Variants in SH3TC1 observed in about 807,000 individuals in gnomAD.
SH3TC1 encodes SH3 domain and tetratricopeptide repeat-containing protein 1.
SH3TC1 carries 135 observed loss-of-function variants against 117.3 expected under a neutral mutation model. The observed-to-expected ratio is 1.15, with a 90% confidence interval of 1.00 to 1.33. The LOEUF (loss-of-function observed/expected upper bound fraction) is 1.33. SH3TC1 is among the 40% of genes most tolerant of loss of function. SH3TC1 has a pLI of 0.00. For missense variants in SH3TC1, 2,092 were observed against 1,794.3 expected, an observed-to-expected ratio of 1.17 and a Z score of -3.00; for synonymous variants, 898 against 816.9, an observed-to-expected ratio of 1.10 and a Z score of -1.69.
intron 6 of SH3TC1, 61 bp from the exon 7 acceptor site, chr4:8,216,896 G>T (rs1046699090): frequency 2.1e-5 from 32 of 1,554,084 alleles, no homozygotes; most frequent in Non-Finnish European, 1.4e-5. Context: ...GGGTGTGGGG[G>T]GCAGGGCCAC....
chr4:8,216,367 G>A (rs1473113210), intron 6 of SH3TC1, 110 bp downstream of exon 6: 2 of 1,464,876 alleles, frequency 1.4e-6, no homozygotes, highest in Non-Finnish European at 1.8e-6. Flanking sequence ...GCTGTGGGCT[G>A]CGGAGCCTCT....
Position 8,210,857 on chromosome 4 carries a change from C to T in SH3TC1, c.247+1035C>T, listed in dbSNP as rs1317677768. Reference sequence around the variant, plus strand: ...AGTGGATTCCAGATTCCAGAAGTCTCCAGGTTGGCCCGGTTGGCCCTTCCC... The same window carrying T: ...AGTGGATTCCAGATTCCAGAAGTCTTCAGGTTGGCCCGGTTGGCCCTTCCC... On this transcript the variant is annotated intron_variant, in intron 3 of 17. Coordinates refer to ENST00000245105, the MANE Select transcript of SH3TC1 (RefSeq NM_018986.5). The surrounding 1 kb of genome is among the most constrained non-coding windows in gnomAD (Gnocchi z 4.1). 1.3e-5 allele frequency among the ~76,000 whole-genome samples: 2 copies of T among 151,390 alleles called. No homozygotes were observed. The highest frequency in any genetic ancestry group is 3.9e-4 in the East Asian group (2 of 5,160).
At chr4:8,229,736 C>T (rs1416843071) in intron 12 of SH3TC1, among the ~76,000 whole-genome samples, 2 of 151,978 alleles carry the variant, frequency 1.3e-5, no homozygotes, top group African/African-American at 2.4e-5. Context: ...GGCTTCTTCC[C>T]CAGGGCCATT....
upstream of SH3TC1, among the ~76,000 whole-genome samples, chr4:8,198,579 G>A (rs188659072): frequency 1.3e-3 from 196 of 152,356 alleles, no homozygotes; most frequent in African/African-American, 4.3e-3. Flanking sequence ...GCGAGATTAC[G>A]TGCTTTGGCC....
rs775359565 is a variant in SH3TC1 at position 8,228,171 on chromosome 4, A to G, written c.2477A>G (p.Asp826Gly). 1.9e-6 allele frequency: 3 copies of G among 1,611,614 alleles called. No individual in the cohort carries two copies. Among genetic ancestry groups the G allele is most frequent in the Admixed American group, 1.7e-5 (1 of 59,914 alleles). Residue 826 changes from aspartate (D) to glycine (G), a missense_variant, in exon 12 of 18, where the codon GAC (aspartate) becomes GGC (glycine). Asp to Gly is a moderately conservative substitution (Grantham distance 94, BLOSUM62 -1). Coordinates refer to ENST00000245105, the MANE Select transcript of SH3TC1 (RefSeq NM_018986.5). ...SAIAGVRAIV[D>G]HLVALAWLHV... ...ATTGCCGGAGTCCGTGCCATCGTGG[A>G]CCACCTGGTGGCCCTGGCCTGGCTG...
chr4:8,231,971 C>T lies in SH3TC1; in HGVS notation c.2951-5C>T, dbSNP rs764145215. The T allele has an allele frequency of 6.8e-6, 11 of 1,610,120 alleles. No homozygotes were observed. Among genetic ancestry groups the T allele is most frequent in the South Asian group, 1.1e-5 (1 of 91,058 alleles). ...CTGACGTCTTCCTTTTTGTCTTCTG[C>T]CCAGGCCAGCTGCGGGCCGTCCAGC... On this transcript the variant is annotated splice_region_variant and splice_polypyrimidine_tract_variant and intron_variant, in intron 12 of 17. Transcript: ENST00000245105.
Position 8,222,952 on chromosome 4 carries a change from T to G in SH3TC1, c.1225T>G (p.Cys409Gly), listed in dbSNP as rs1184467855. 1 of 1,612,324 alleles carries G rather than the reference T, an allele frequency of 6.2e-7. No individual in the cohort carries two copies. Among genetic ancestry groups the G allele is most frequent in the Non-Finnish European group, 8.5e-7 (1 of 1,179,766 alleles). Reference sequence around the variant, plus strand: ...GAGGCGGATGTCGGGCACCGATGTCTGCAGCGTGTACAGCCTGGGTGCGTG... The same window carrying G: ...GAGGCGGATGTCGGGCACCGATGTCGGCAGCGTGTACAGCCTGGGTGCGTG... ...LLRRMSGTDV[C>G]SVYSLDSVEE... The change falls in exon 10 of 18, where the codon TGC becomes GGC. Residue 409 changes from cysteine (C) to glycine (G), a missense_variant. Coordinates refer to ENST00000245105, the MANE Select transcript of SH3TC1 (RefSeq NM_018986.5).
intron 16 of SH3TC1, 195 bp from the exon 17 acceptor site, chr4:8,237,279 G>C (rs1387546429): frequency 2.0e-6 from 1 of 490,620 alleles, no homozygotes; most frequent in African/African-American, 2.0e-5. Flanking sequence ...CTTTGCCAAA[G>C]CCTCACGGTA....
At chr4:8,197,263 G>A (rs1315584439), upstream of SH3TC1, among the ~76,000 whole-genome samples, 1 of 152,174 alleles carries the variant, frequency 6.6e-6, no homozygotes, top group African/African-American at 2.4e-5. Context: ...TGGAGCTTCT[G>A]GAGGGAGCAT....
intron 5 of SH3TC1, chr4:8,215,066 C>T (rs190039112): frequency 3.4e-5 from 15 of 440,782 alleles, no homozygotes; most frequent in African/African-American, 8.0e-5. Context: ...GGAGAAATGC[C>T]GGGTAGGCGG....
At position 8,231,983 on chromosome 4, in the gene SH3TC1, G is replaced by A. The variant is rs1721262800; in HGVS notation, c.2958G>A (p.Leu986=). 2.5e-6 allele frequency: 4 copies of A among 1,611,496 alleles called. No individual in the cohort carries two copies. The highest frequency in any genetic ancestry group is 4.5e-5 in the East Asian group (2 of 44,872). Residue 986 remains leucine (L), a synonymous_variant, in exon 13 of 18, where the codon CTG becomes CTA. Transcript: ENST00000245105. Reference sequence around the variant, plus strand: ...TTTTTGTCTTCTGCCCAGGCCAGCTGCGGGCCGTCCAGCGGCTGTGCCACT... The same window carrying A: ...TTTTTGTCTTCTGCCCAGGCCAGCTACGGGCCGTCCAGCGGCTGTGCCACT... ...AVEMGHVESQ[L]RAVQRLCHFY...
intron 9 of SH3TC1, among the ~76,000 whole-genome samples, chr4:8,220,016 CCT>C (rs1236158107): frequency 2.6e-5 from 4 of 152,180 alleles, no homozygotes; most frequent in Non-Finnish European, 4.4e-5. Context: ...TGGCTGTCTT[CCT>C]CTGTGTGTCT....
upstream of SH3TC1, among the ~76,000 whole-genome samples, chr4:8,195,634 G>C (rs959594673): frequency 6.6e-6 from 1 of 152,214 alleles, no homozygotes; most frequent in Non-Finnish European, 1.5e-5. Flanking sequence ...CTCCAGACCC[G>C]TGTGTGGATG....
In SH3TC1 at chr4:8,240,745, C is replaced by T. The variant is rs370598924; in HGVS notation, c.3801C>T (p.Ala1267=). 6.9e-5 allele frequency: 111 copies of T among 1,613,922 alleles called. 2 individuals are homozygous for T. Among genetic ancestry groups the T allele is most frequent in the Middle Eastern group, 1.6e-4 (1 of 6,062 alleles). ...ACTACCAGCTGGCGCTGGCAGCCGC[C>T]GTGGACCTGGGCAACAAGAAGGCAC... ...AGYYQLALAA[A]VDLGNKKAQL... is the part of the protein sequence containing the mutation. The change falls in exon 18 of 18, where the codon GCC becomes GCT. Residue 1267 remains alanine (A), a synonymous_variant. Transcript: ENST00000245105.
Position 8,227,632 on chromosome 4 carries a change from G to A in SH3TC1, c.1938G>A (p.Glu646=), listed in dbSNP as rs755363215. The A allele has an allele frequency of 6.6e-6, 10 of 1,525,738 alleles. No individual in the cohort carries two copies. The South Asian group carries it at 9.2e-5, about 14-fold the overall frequency. 94.5% of individuals were successfully genotyped at this position (1,525,738 alleles called of 1,614,324 possible). A position where few individuals can be genotyped will look rare whatever the true frequency, so the allele number is the denominator to read the frequency against. Residue 646 remains glutamate (E), a synonymous_variant, in exon 12 of 18, where the codon GAG becomes GAA. Transcript: ENST00000245105. ...TCTGCAGCACCGAGGCGGAGGGGGA[G>A]CTCCTGCAGCTGGCGCTGCGGCGGG... is the stretch of plus-strand genomic sequence containing the variant. ...DHICSTEAEG[E]LLQLALRRAV...
intron 9 of SH3TC1, among the ~76,000 whole-genome samples, chr4:8,221,744 T>C (rs904597419): frequency 1.3e-5 from 2 of 152,218 alleles, no homozygotes; most frequent in Non-Finnish European, 2.9e-5. Flanking sequence ...GCAGATACAA[T>C]GCCATTATCT....
rs771835152 is a variant in SH3TC1, at chr4:8,227,733, A to C, written c.2039A>C (p.Gln680Pro). The part of the protein sequence containing the change: ...LLARHHVHLK[Q>P]PEEALPFLER... ...GCCAGGCACCACGTGCACCTCAAGC[A>C]GCCCGAGGAGGCCCTGCCCTTCCTA... is the stretch of plus-strand genomic sequence containing the variant. The change falls in exon 12 of 18, where the codon CAG becomes CCG. Residue 680 changes from glutamine (Q) to proline (P), a missense_variant. Transcript: ENST00000245105. 2.5e-6 allele frequency: 4 copies of C among 1,598,344 alleles called. No homozygotes were observed. Among genetic ancestry groups the C allele is most frequent in the Non-Finnish European group, 2.6e-6 (3 of 1,170,744 alleles).
intron 15 of SH3TC1, chr4:8,235,971 C>T (rs1190742399): frequency 4.6e-6 from 2 of 430,856 alleles, no homozygotes; most frequent in African/African-American, 2.1e-5. Context: ...TGTGGCTCAG[C>T]CCTGGGCACA....
chr4:8,217,117 C>T lies in SH3TC1; in HGVS notation c.789C>T (p.Ser263=), dbSNP rs200153598. 134 of 1,613,692 alleles carry T rather than the reference C, an allele frequency of 8.3e-5. 1 individual carries two copies. Among genetic ancestry groups the T allele is most frequent in the Non-Finnish European group, 1.1e-4 (128 of 1,179,882 alleles). Residue 263 remains serine (S), a synonymous_variant, in exon 7 of 18, where the codon TCC becomes TCT. Transcript: ENST00000245105. ...DSSPPSPSVS[S]EEVAVAAAPE... is the part of the protein sequence containing the mutation. ...CACCGCCGAGCCCCAGCGTGTCCTC[C>T]GAGGAGGTGGCAGTGGCGGCCGCCC...
Sources: gnomAD v4.1 joint callset for allele counts (sites outside exome capture counted in the v4.1 genomes callset) on GRCh38, gnomAD v4.1.1 for gene constraint, Gnocchi (gnomAD v3.1) non-coding constraint, MANE v1.5 for transcripts, NCBI Gene and HGNC (gene_info 2026-07-23, HGNC 2026-07-21) for gene names.